Variants in HUWE1 observed in about 807,000 individuals in gnomAD.
The protein encoded by HUWE1 is HECT, UBA and WWE domain containing E3 ubiquitin protein ligase 1, also known as E3 ubiquitin-protein ligase HUWE1.
HUWE1 carries 18 observed loss-of-function variants against 299.4 expected under a neutral mutation model. That is an observed-to-expected ratio of 0.06 (90% CI 0.04 to 0.09). The LOEUF is 0.09. HUWE1 is among the 10% of genes least tolerant of loss of function. HUWE1 has a pLI of 1.00. For synonymous variants in HUWE1, 1,317 were observed against 1,286.1 expected, an observed-to-expected ratio of 1.02 and a Z score of -0.51; for missense variants, 1,832 against 3,462.3, an observed-to-expected ratio of 0.53 and a Z score of 11.82.
chrX:53,578,770 C>T, intron 43 of HUWE1, among the ~76,000 whole-genome samples: 1 of 71,373 alleles, frequency 1.4e-5, no homozygotes, highest in African/African-American at 5.5e-5. Context: ...GAGGACCCCT[C>T]TGCCCGGCCA....
intron 46 of HUWE1, among the ~76,000 whole-genome samples, chrX:53,574,840 A>G (rs1331093142): frequency 1.8e-5 from 2 of 112,108 alleles, no homozygotes; most frequent in Non-Finnish European, 3.8e-5. Flanking sequence ...AGCTAGAACA[A>G]TATCACTGGC....
intron 74 of HUWE1, among the ~76,000 whole-genome samples, chrX:53,541,332 A>G (rs1885825212): frequency 8.9e-6 from 1 of 112,130 alleles, no homozygotes; most frequent in Admixed American, 9.4e-5. Flanking sequence ...TCATGCCTGT[A>G]ATCCCAGCAC....
intron 25 of HUWE1, among the ~76,000 whole-genome samples, chrX:53,605,439 CCT>C (rs782754176): frequency 5.3e-4 from 59 of 111,797 alleles, no homozygotes; most frequent in African/African-American, 1.9e-3. Context: ...GATATTTTCC[CCT>C]CTCTGTGATG....
chrX:53,637,984 T>C (rs2067324949), intron 7 of HUWE1, among the ~76,000 whole-genome samples: 1 of 111,122 alleles, frequency 9.0e-6, no homozygotes, highest in Non-Finnish European at 1.9e-5. Context: ...TTATTATTAA[T>C]TTATTATCTA....
intron 77 of HUWE1, 82 bp downstream of exon 77, chrX:53,538,255 G>T: frequency 1.5e-6 from 1 of 657,956 alleles, no homozygotes; most frequent in South Asian, 2.3e-5. Context: ...GAAATTTGTG[G>T]CCTCAAGAGT....
intron 3 of HUWE1, among the ~76,000 whole-genome samples, chrX:53,678,417 A>C (rs2069943908): frequency 8.9e-6 from 1 of 111,980 alleles, no homozygotes; most frequent in African/African-American, 3.2e-5. Flanking sequence ...CCAGTCGTTG[A>C]GGAAACAACG....
At chrX:53,681,265 C>A (rs1264679774) in intron 2 of HUWE1, among the ~76,000 whole-genome samples, 1 of 109,595 alleles carries the variant, frequency 9.1e-6, no homozygotes, top group African/African-American at 3.3e-5. Context: ...GAAACTCCGT[C>A]TTTACTAAAA....
At chrX:53,629,473 C>CAA in intron 13 of HUWE1, 43 bp downstream of exon 13, 2 of 891,817 alleles carry the variant, frequency 2.2e-6, no homozygotes, top group South Asian at 4.0e-5. Flanking sequence ...CTTCTGGTCC[C>CAA]AAGTGTTACA....
chrX:53,684,244 TC>T lies in HUWE1; in HGVS notation c.-163+2025del, dbSNP rs782510144. On this transcript the variant is annotated intron_variant, in intron 2 of 83. Transcript: ENST00000262854. ...TTACGCTTTAGCCTCGGCGAGACCT[TC>T]TTAATTCACCGCAGGATGCCGCCCG... The T allele has an allele frequency of 1.1e-3, 200 of 178,090 alleles. 1 individual carries two copies. The highest frequency in any genetic ancestry group is 1.9e-3 in the Non-Finnish European group (179 of 93,600). The allele number at this position is 178,090 out of a possible 1,213,427, so 14.7% of individuals were successfully genotyped here.
At position 53,564,685 on chromosome X, in the gene HUWE1, A is replaced by G. The variant is rs782622380; in HGVS notation, c.6918T>C (p.His2306=). Residue 2306 remains histidine (H), a synonymous_variant, in exon 51 of 84, where the codon CAT becomes CAC. Coordinates refer to ENST00000262854, the MANE Select transcript of HUWE1 (RefSeq NM_031407.7). ...CTGCCACCTCTGTCTGAGTGACATCATGATCCTCCTCCTGCACTTCTGCTT... is the reference window on the plus strand; with the variant it reads ...CTGCCACCTCTGTCTGAGTGACATCGTGATCCTCCTCCTGCACTTCTGCTT... ...PGEAEVQEED[H]DVTQTEVADG... The G allele has an allele frequency of 8.3e-7, 1 of 1,211,872 alleles. No individual in the cohort carries two copies. Among genetic ancestry groups the G allele is most frequent in the Non-Finnish European group, 1.1e-6 (1 of 895,580 alleles).
intron 59 of HUWE1, among the ~76,000 whole-genome samples, chrX:53,557,761 G>A (rs1312067295): frequency 1.8e-5 from 2 of 111,702 alleles, no homozygotes; most frequent in Non-Finnish European, 3.8e-5. Context: ...CCTTCATGGG[G>A]CTTATTTTTT....
At chrX:53,586,985 G>A in intron 37 of HUWE1, 76 bp from the exon 38 acceptor site, 2 of 1,067,445 alleles carry the variant, frequency 1.9e-6, no homozygotes, top group Non-Finnish European at 2.6e-6. Context: ...GCATGGGATA[G>A]GGGAGGGGAA....
intron 19 of HUWE1, among the ~76,000 whole-genome samples, chrX:53,618,699 G>T (rs1285827943): frequency 8.3e-5 from 9 of 108,961 alleles, no homozygotes; most frequent in Non-Finnish European, 1.1e-4. Context: ...CAAGTAGTTG[G>T]GATTACAGGC....
In HUWE1 at chrX:53,549,517, A is replaced by G; in HGVS notation, c.9489-12T>C. ...TACTGCCAGAAGGCCTGGAAACAGA[A>G]CATGGTTTTTGGGTAACACTTCAGT... On this transcript the variant is annotated splice_polypyrimidine_tract_variant and intron_variant, in intron 66 of 83. Transcript: ENST00000262854. 8.4e-7 allele frequency: 1 copy of G among 1,195,453 alleles called. No individual in the cohort carries two copies. Among genetic ancestry groups the G allele is most frequent in the Non-Finnish European group, 1.1e-6 (1 of 887,614 alleles).
chrX:53,651,542 C>T (rs1557040182), intron 4 of HUWE1, among the ~76,000 whole-genome samples: 1 of 111,891 alleles, frequency 8.9e-6, no homozygotes, highest in Admixed American at 9.5e-5. Flanking sequence ...ATACTGAATT[C>T]GATGTAAATA....
Position 53,616,978 on chromosome X carries a change from T to C in HUWE1, c.1949A>G (p.Asp650Gly). Residue 650 changes from aspartate to glycine, a missense_variant, in exon 21 of 84, where the codon GAT (aspartate) becomes GGT (glycine). Physicochemically the swap from Asp to Gly is moderately conservative, Grantham distance 94. Around this residue, in one of 15 missense-constraint regions of HUWE1, gnomAD observed 658 missense variants for 1,282.6 expected, o/e 0.51. Transcript: ENST00000262854. ...LPAMRRRRSS[D>G]PLGDTASNLG... ...AAATCTTAACAACTTACCAAGGGGA[T>C]CAGAACTTCTCCTCCTCCGCATGGC... 8.3e-7 allele frequency: 1 copy of C among 1,208,243 alleles called. No individual in the cohort carries two copies.
At chrX:53,614,336 C>A (rs1230246894) in intron 23 of HUWE1, among the ~76,000 whole-genome samples, 198 bp downstream of exon 23, 1 of 111,508 alleles carries the variant, frequency 9.0e-6, no homozygotes, top group Non-Finnish European at 1.9e-5. Flanking sequence ...GCAACCAATA[C>A]AATTAAATAC....
chrX:53,648,321 A>G lies in HUWE1; in HGVS notation c.46-11T>C. 9.3e-7 allele frequency: 1 copy of G among 1,070,465 alleles called. No homozygotes were observed. Among genetic ancestry groups the G allele is most frequent in the Admixed American group, 2.2e-5 (1 of 45,704 alleles). 88.2% of individuals were successfully genotyped at this position (1,070,465 alleles called of 1,213,427 possible). ...TCTGCAGTCTGCAGGCTGAGAAAAGAAAAGTATTCACAAAAGATGTTTTGG... is the reference window on the plus strand; with the variant it reads ...TCTGCAGTCTGCAGGCTGAGAAAAGGAAAGTATTCACAAAAGATGTTTTGG... On this transcript the variant is annotated splice_polypyrimidine_tract_variant and intron_variant, in intron 4 of 83. Transcript: ENST00000262854.
chrX:53,677,548 G>T (rs142226221), intron 3 of HUWE1, among the ~76,000 whole-genome samples: 1,339 of 99,559 alleles, frequency 0.013, 20 homozygotes, highest in African/African-American at 0.047. Context: ...CTTTCCACCT[G>T]TAAGAACTCA....
Sources: gnomAD v4.1 joint callset for allele counts (sites outside exome capture counted in the v4.1 genomes callset) on GRCh38, gnomAD v4.1.1 for gene constraint, gnomAD v4.1.1 regional missense constraint, MANE v1.5 for transcripts, NCBI Gene and HGNC (gene_info 2026-07-23, HGNC 2026-07-21) for gene names.